Variants in PRPH2 observed in about 807,000 individuals in gnomAD.
PRPH2 encodes peripherin 2.
PRPH2 carries 17 observed loss-of-function variants against 31.3 expected under a neutral mutation model. That is an observed-to-expected ratio of 0.54 (90% CI 0.37 to 0.81). The LOEUF is 0.81. PRPH2 is among the 40% of genes least tolerant of loss of function. The pLI is 0.00. For missense variants in PRPH2, 430 were observed against 439.7 expected (o/e 0.98, Z 0.20); for synonymous variants, 165 against 184.4 (o/e 0.89, Z 0.85).
At chr6:42,702,242 T>TAAAA (rs555393800) in intron 2 of PRPH2, among the ~76,000 whole-genome samples, 1 of 141,078 alleles carries the variant, frequency 7.1e-6, no homozygotes, top group African/African-American at 2.6e-5. Context: ...AACTCTGTCT[T>TAAAA]AAAAAAAAAA....
At chr6:42,713,931 A>G (rs1323579783) in intron 1 of PRPH2, among the ~76,000 whole-genome samples, 2 of 147,744 alleles carry the variant, frequency 1.4e-5, no homozygotes, top group African/African-American at 5.1e-5. Flanking sequence ...AAAAAAAAAA[A>G]AAAAAAAAAA....
intron 1 of PRPH2, among the ~76,000 whole-genome samples, chr6:42,710,183 G>A (rs1450538274): frequency 6.6e-6 from 1 of 151,970 alleles, no homozygotes; most frequent in East Asian, 1.9e-4. Context: ...CCCTGAAGAC[G>A]GGGCTGTGTC....
intron 2 of PRPH2, among the ~76,000 whole-genome samples, chr6:42,701,434 G>GT (rs1247085280): frequency 6.6e-6 from 1 of 151,712 alleles, no homozygotes; most frequent in Non-Finnish European, 1.5e-5. Context: ...TCATTTTTGT[G>GT]TTTTTTGTAG....
At chr6:42,701,599 C>G (rs147143912) in intron 2 of PRPH2, among the ~76,000 whole-genome samples, 2 of 150,574 alleles carry the variant, frequency 1.3e-5, no homozygotes, top group Non-Finnish European at 3.0e-5. Flanking sequence ...GCCTCCATCT[C>G]TGGGGCTCAT....
At chr6:42,721,671 G>A (rs1359636981) in intron 1 of PRPH2, 83 bp downstream of exon 1, 27 of 1,506,428 alleles carry the variant, frequency 1.8e-5, no homozygotes, top group Non-Finnish European at 2.0e-5. Context: ...CACTGGGTGC[G>A]GGGAGAGGGG....
Position 42,715,215 on chromosome 6 carries a change from A to T in PRPH2, c.581+6539T>A, listed in dbSNP as rs149029005. On this transcript the variant is annotated intron_variant, in intron 1 of 2. Coordinates refer to ENST00000230381, the MANE Select transcript of PRPH2 (RefSeq NM_000322.5). ...CGGGGCAAGACTCTGTCTCAAAAAA[A>T]CAAACAAACAAACAAAAACTAAAAA... Among the ~76,000 whole-genome samples, 81 of 151,370 alleles carry T rather than the reference A, an allele frequency of 5.4e-4. 1 individual carries two copies. The East Asian group carries it at 9.5e-3, about 18-fold the overall frequency.
chr6:42,705,708 G>A (rs73426441), intron 1 of PRPH2, among the ~76,000 whole-genome samples: 20,452 of 146,646 alleles, frequency 0.14, 1,505 homozygotes, highest in Non-Finnish European at 0.16. Context: ...TGTAATCCCA[G>A]CACTTTGGGA....
rs144588545 is a variant in PRPH2, at chr6:42,700,377, A to T, written c.829-1870T>A. Among the ~76,000 whole-genome samples, 22 of 152,248 alleles carry T rather than the reference A, an allele frequency of 1.4e-4. No individual in the cohort carries two copies. In the East Asian group the frequency reaches 4.2e-3, roughly 29 times the overall value. On this transcript the variant is annotated intron_variant, in intron 2 of 2. Transcript: ENST00000230381. ...ATGGCATAGCAAACTCTACAAGAGG[A>T]TGAAGCTGCTCCCTGAGGGCAGGGA...
At chr6:42,718,298 TC>T (rs1761828781) in intron 1 of PRPH2, among the ~76,000 whole-genome samples, 1 of 102,420 alleles carries the variant, frequency 9.8e-6, no homozygotes. Context: ...AGACCCTGTC[TC>T]AAAAAAAAAA....
chr6:42,721,825 A>G lies in PRPH2; in HGVS notation c.510T>C (p.Gly170=), dbSNP rs1761906807. The G allele has an allele frequency of 6.2e-7, 1 of 1,613,992 alleles. No individual in the cohort carries two copies. Among genetic ancestry groups the G allele is most frequent in the Non-Finnish European group, 8.5e-7 (1 of 1,180,002 alleles). ...ACTGAATCTCAAACCAGTCCCGAAA[A>G]CCGTTGTTGCCGCAGCATTTGAACT... is the stretch of plus-strand genomic sequence containing the variant. The part of the protein sequence containing the change: ...QIEFKCCGNN[G]FRDWFEIQWI... The change falls in exon 1 of 3, where the codon GGT becomes GGC. Residue 170 remains glycine (G), a synonymous_variant. Transcript: ENST00000230381.
Position 42,698,403 on chromosome 6 carries a change from G to T in PRPH2, c.933C>A (p.Ser311Arg), listed in dbSNP as rs137853904. Residue 311 changes from serine to arginine, a missense_variant, in exon 3 of 3, where the codon AGC (serine) becomes AGA (arginine). Transcript: ENST00000230381. ...GAAAGGCCTTCCAGGTCTCCGGCAC[G>T]CTCCTCTCCAGCAGCCAGCCCTGGC... ...SESQGWLLER[S>R]VPETWKAFLE... is the part of the protein sequence containing the mutation. 23 of 1,613,804 alleles carry T rather than the reference G, an allele frequency of 1.4e-5. 1 individual carries two copies. In the South Asian group the frequency reaches 2.3e-4, roughly 16 times the overall value.
At chr6:42,711,536 C>A (rs978884946) in intron 1 of PRPH2, among the ~76,000 whole-genome samples, 1 of 140,242 alleles carries the variant, frequency 7.1e-6, no homozygotes, top group South Asian at 2.3e-4. Context: ...GAAACACAGC[C>A]CCATCCTCAG....
intron 1 of PRPH2, among the ~76,000 whole-genome samples, chr6:42,710,084 C>G (rs1218598611): frequency 6.6e-6 from 1 of 152,202 alleles, no homozygotes; most frequent in Non-Finnish European, 1.5e-5. Flanking sequence ...AGCCCCCAGA[C>G]AAGTCACCCT....
chr6:42,712,619 G>A (rs1040646131), intron 1 of PRPH2, among the ~76,000 whole-genome samples: 3 of 152,034 alleles, frequency 2.0e-5, no homozygotes, highest in Non-Finnish European at 4.4e-5. Flanking sequence ...GTTTCACCAT[G>A]TTGGCCAGGC....
chr6:42,711,580 C>A (rs1356261312), intron 1 of PRPH2, among the ~76,000 whole-genome samples: 1 of 152,050 alleles, frequency 6.6e-6, no homozygotes, highest in Non-Finnish European at 1.5e-5. Flanking sequence ...CAGCCCCATC[C>A]TCAGGGAGCC....
chr6:42,708,741 G>A (rs559650344), intron 1 of PRPH2, among the ~76,000 whole-genome samples: 48 of 152,332 alleles, frequency 3.2e-4, no homozygotes, highest in African/African-American at 1.1e-3. Context: ...GGGTGGGGGT[G>A]ATTGAAAGCA....
chr6:42,704,220 G>T, intron 2 of PRPH2, 145 bp downstream of exon 2: 1 of 1,043,770 alleles, frequency 9.6e-7, no homozygotes, highest in Non-Finnish European at 1.4e-6. Context: ...TGGGGTTCAA[G>T]CCCAGACTGA....
intron 1 of PRPH2, among the ~76,000 whole-genome samples, chr6:42,711,661 A>G (rs1271830252): frequency 6.6e-6 from 1 of 152,232 alleles, no homozygotes; most frequent in Non-Finnish European, 1.5e-5. Flanking sequence ...GCTCTCTTCA[A>G]AGAGTTCCCG....
rs2152003778 is a variant in PRPH2, at chr6:42,698,330, C to T, written c.1006G>A (p.Gly336Ser). The change falls in exon 3 of 3, where the codon GGC becomes AGC. Residue 336 changes from glycine (G) to serine (S), a missense_variant. Coordinates refer to ENST00000230381, the MANE Select transcript of PRPH2 (RefSeq NM_000322.5). ...LGKGNQVEAEGADAGQAPEAG is the reference protein window; with the variant it reads ...LGKGNQVEAESADAGQAPEAG ...TCTGGGGCCTGGCCTGCGTCTGCGC[C>T]CTCGGCTTCCACCTGGTTGCCCTTG... 6.2e-7 allele frequency: 1 copy of T among 1,614,098 alleles called. No homozygotes were observed. The highest frequency in any genetic ancestry group is 2.2e-5 in the East Asian group (1 of 44,864).
Sources: gnomAD v4.1 joint callset for allele counts (sites outside exome capture counted in the v4.1 genomes callset) on GRCh38, gnomAD v4.1.1 for gene constraint, MANE v1.5 for transcripts, NCBI Gene and HGNC (gene_info 2026-07-23, HGNC 2026-07-21) for gene names.